The following CCSER1 variants were observed in gnomAD, a reference collection of about 807,000 sequenced individuals.
CCSER1 encodes serine-rich coiled-coil domain-containing protein 1.
In CCSER1, 41 loss-of-function variants were observed where a neutral mutation model predicts 82.0. That is an observed-to-expected ratio of 0.50 (90% CI 0.39 to 0.65). The LOEUF (loss-of-function observed/expected upper bound fraction) is 0.65. CCSER1 is among the 30% of genes least tolerant of loss of function. CCSER1 has a pLI of 0.00. For synonymous variants in CCSER1, 414 were observed against 383.9 expected, an observed-to-expected ratio of 1.08 and a Z score of -0.92; for missense variants, 1,119 against 1,064.2, an observed-to-expected ratio of 1.05 and a Z score of -0.72.
intron 10 of CCSER1, among the ~76,000 whole-genome samples, chr4:91,527,873 A>G (rs1760842082): frequency 6.6e-6 from 1 of 152,170 alleles, no homozygotes; most frequent in Admixed American, 6.6e-5. Flanking sequence ...CCTTGCTTCC[A>G]TAGTACAGAA....
chr4:90,565,819 A>G (rs1220256717), intron 5 of CCSER1, among the ~76,000 whole-genome samples: 2 of 149,942 alleles, frequency 1.3e-5, no homozygotes, highest in African/African-American at 2.4e-5. Context: ...TTATTTATTT[A>G]CATATGTTGA....
At chr4:91,318,234 A>C (rs1312999222) in intron 10 of CCSER1, among the ~76,000 whole-genome samples, 2 of 152,010 alleles carry the variant, frequency 1.3e-5, no homozygotes, top group Non-Finnish European at 2.9e-5. Context: ...TTTTGCAATC[A>C]AACTGGCTGA....
intron 3 of CCSER1, among the ~76,000 whole-genome samples, chr4:90,381,261 A>T (rs943850959): frequency 2.4e-4 from 37 of 152,310 alleles, no homozygotes; most frequent in Non-Finnish European, 2.1e-4. Context: ...TCATTTTAAC[A>T]TCCTGAATTA....
chr4:90,160,758 G>A (rs12645259), intron 1 of CCSER1, among the ~76,000 whole-genome samples: 42,895 of 151,966 alleles, frequency 0.28, 7,660 homozygotes, highest in East Asian at 0.65. Context: ...ATAGAATGTA[G>A]ACCTCTAGAG....
intron 7 of CCSER1, among the ~76,000 whole-genome samples, chr4:90,749,922 T>C (rs1409294150): frequency 1.3e-5 from 2 of 151,984 alleles, no homozygotes; most frequent in Non-Finnish European, 2.9e-5. Flanking sequence ...TGTAAAAGTG[T>C]TCCTATTTCT....
chr4:91,129,504 G>A (rs1727817502), intron 10 of CCSER1, among the ~76,000 whole-genome samples: 1 of 151,998 alleles, frequency 6.6e-6, no homozygotes, highest in African/African-American at 2.4e-5. Flanking sequence ...GATGGCATAA[G>A]ATAGAGACTG....
intron 1 of CCSER1, among the ~76,000 whole-genome samples, chr4:90,237,382 T>G (rs1002345897): frequency 6.6e-6 from 1 of 152,094 alleles, no homozygotes; most frequent in African/African-American, 2.4e-5. Context: ...GTGCTTAGAG[T>G]TTTTTTCCTA....
intron 10 of CCSER1, among the ~76,000 whole-genome samples, chr4:91,559,624 T>C (rs564463904): frequency 6.6e-6 from 1 of 151,468 alleles, no homozygotes; most frequent in Admixed American, 6.6e-5. Flanking sequence ...CATAGAAACA[T>C]GAAAATCAAA....
chr4:90,910,406 A>G (rs1223483736), intron 8 of CCSER1, among the ~76,000 whole-genome samples: 1 of 152,216 alleles, frequency 6.6e-6, no homozygotes, highest in Non-Finnish European at 1.5e-5. Flanking sequence ...TTCAATCTCT[A>G]AATATACTAA....
At chr4:90,709,827 A>G (rs1382930390) in intron 6 of CCSER1, among the ~76,000 whole-genome samples, 1 of 151,830 alleles carries the variant, frequency 6.6e-6, no homozygotes, top group Non-Finnish European at 1.5e-5. Context: ...TTCAAATTAT[A>G]TTTCTGCCTC....
intron 6 of CCSER1, among the ~76,000 whole-genome samples, chr4:90,673,732 A>T (rs1733252103): frequency 6.6e-6 from 1 of 152,020 alleles, no homozygotes. Context: ...TCTCTTCACT[A>T]AAAGATTGCA....
rs74530979 is a variant in CCSER1, at chr4:90,641,444, A to G, written c.1932+13212A>G. Among the ~76,000 whole-genome samples the G allele has an allele frequency of 6.3e-3, 961 of 152,278 alleles. 6 individuals are homozygous for G. Among genetic ancestry groups the G allele is most frequent in the Non-Finnish European group, 9.2e-3 (625 of 68,010 alleles). On this transcript the variant is annotated intron_variant, in intron 6 of 10. Coordinates refer to ENST00000509176, the MANE Select transcript of CCSER1 (RefSeq NM_001145065.2). ...CTTTCTAGGTATTATTATTTACAATATATTTTCTTACATTTTTTCAAAATA... is the reference window on the plus strand; with the variant it reads ...CTTTCTAGGTATTATTATTTACAATGTATTTTCTTACATTTTTTCAAAATA...
intron 4 of CCSER1, among the ~76,000 whole-genome samples, chr4:90,440,827 T>C (rs1416684873): frequency 1.3e-5 from 2 of 152,212 alleles, no homozygotes; most frequent in African/African-American, 2.4e-5. Context: ...TCAGAAAGTC[T>C]TAAATAATCG....
intron 5 of CCSER1, among the ~76,000 whole-genome samples, chr4:90,551,706 C>CTCTCTCTCTCTCTCTATA: frequency 7.6e-4 from 79 of 104,220 alleles, no homozygotes; most frequent in African/African-American, 3.1e-3. Context: ...CTCTCTCTCT[C>CTCTCTCTCTCTCTCTATA]TATATATATA....
intron 1 of CCSER1, among the ~76,000 whole-genome samples, chr4:90,135,844 T>A (rs1260477276): frequency 6.6e-6 from 1 of 152,238 alleles, no homozygotes; most frequent in Non-Finnish European, 1.5e-5. Context: ...CTCTTATTGG[T>A]ATTATCTTAA....
At chr4:90,899,011 T>A (rs1724194071) in intron 8 of CCSER1, among the ~76,000 whole-genome samples, 1 of 152,058 alleles carries the variant, frequency 6.6e-6, no homozygotes, top group Admixed American at 6.6e-5. Context: ...AGGAATTTAT[T>A]TGAATCTGTA....
chr4:91,584,113 TGTTCAACAGATACAA>T (rs1039403595), intron 10 of CCSER1, among the ~76,000 whole-genome samples: 7 of 151,500 alleles, frequency 4.6e-5, no homozygotes, highest in Non-Finnish European at 7.4e-5. Context: ...ATTCATTTTT[TGTTCAACAGATACAA>T]GTTCAACAAA....
At chr4:91,447,775 A>G (rs1355949636) in intron 10 of CCSER1, among the ~76,000 whole-genome samples, 1 of 152,092 alleles carries the variant, frequency 6.6e-6, no homozygotes, top group African/African-American at 2.4e-5. Flanking sequence ...AGACATTTAA[A>G]GTCTAGAAAG....
At chr4:91,306,443 A>G (rs1038465565) in intron 10 of CCSER1, among the ~76,000 whole-genome samples, 18 of 152,064 alleles carry the variant, frequency 1.2e-4, no homozygotes, top group African/African-American at 4.1e-4. Context: ...TTGAAAGCAT[A>G]AGAAAGTAAA....
Sources: allele counts gnomAD v4.1 joint callset (sites outside exome capture counted in the v4.1 genomes callset), GRCh38; gene constraint gnomAD v4.1.1; transcripts MANE v1.5; gene names NCBI Gene and HGNC (gene_info 2026-07-23, HGNC 2026-07-21).